RBPMS: variants seen among roughly 807,000 people sequenced by gnomAD.
RBPMS encodes the protein RNA binding protein, mRNA processing factor, also known as RNA-binding protein with multiple splicing.
RBPMS carries 7 observed loss-of-function variants against 26.8 expected under a neutral mutation model. The ratio of observed to expected loss-of-function variants is 0.26; its 90% CI spans 0.15 to 0.49. RBPMS has a LOEUF of 0.49. Among genes scored for constraint, RBPMS ranks in the 20% least tolerant of loss-of-function variants. The probability of loss-of-function intolerance (pLI) is 0.98; values close to 1 mark genes in which losing one functional copy is unlikely to be tolerated. For synonymous variants in RBPMS, 96 were observed against 93.3 expected (o/e 1.03, Z -0.17); for missense variants, 186 against 250.0 (o/e 0.74, Z 1.73).
chr8:30,387,677 A>G (rs753241836), intron 1 of RBPMS, among the ~76,000 whole-genome samples: 1 of 152,210 alleles, frequency 6.6e-6, no homozygotes, highest in Admixed American at 6.5e-5. Context: ...AATGAGTCCA[A>G]TCATCATTAA....
chr8:30,559,526 A>T (rs1227561180), intron 7 of RBPMS, among the ~76,000 whole-genome samples: 2 of 152,200 alleles, frequency 1.3e-5, no homozygotes, highest in East Asian at 3.8e-4. Context: ...TTTAGGCCTA[A>T]CGTTGCTTCA....
intron 1 of RBPMS, among the ~76,000 whole-genome samples, chr8:30,422,477 C>T (rs1240470844): frequency 1.3e-5 from 2 of 152,016 alleles, no homozygotes; most frequent in Non-Finnish European, 2.9e-5. Context: ...CTATGTTACC[C>T]AGGCTCGTCT....
chr8:30,547,402 G>A, intron 6 of RBPMS: 1 of 1,602,134 alleles, frequency 6.2e-7, no homozygotes, highest in Non-Finnish European at 8.5e-7. Flanking sequence ...CTGCAGACCA[G>A]CAGAGGGAGC....
intron 8 of RBPMS, among the ~76,000 whole-genome samples, chr8:30,567,023 T>A (rs1322895769): frequency 6.6e-6 from 1 of 152,206 alleles, no homozygotes; most frequent in Non-Finnish European, 1.5e-5. Flanking sequence ...AAAATCCTCC[T>A]GTAGCATTCC....
chr8:30,424,701 C>T (rs1468868191), intron 1 of RBPMS, among the ~76,000 whole-genome samples: 1 of 152,100 alleles, frequency 6.6e-6, no homozygotes, highest in South Asian at 2.1e-4. Flanking sequence ...TAAAATGTTA[C>T]ACAGTGTCTG....
chr8:30,421,992 TAGAGATAAGA>T (rs1231548918), intron 1 of RBPMS, among the ~76,000 whole-genome samples: 5 of 151,806 alleles, frequency 3.3e-5, no homozygotes, highest in African/African-American at 1.2e-4. Flanking sequence ...GTTGCTATGA[TAGAGATAAGA>T]ATAAAGTAAT....
intron 1 of RBPMS, among the ~76,000 whole-genome samples, chr8:30,451,882 G>A (rs1299376509): frequency 1.3e-5 from 2 of 152,126 alleles, no homozygotes; most frequent in African/African-American, 2.4e-5. Context: ...TCATTAGCCC[G>A]AAACCATCAT....
intron 6 of RBPMS, among the ~76,000 whole-genome samples, chr8:30,550,580 A>C (rs1170739696): frequency 1.3e-5 from 2 of 152,212 alleles, no homozygotes; most frequent in Non-Finnish European, 2.9e-5. Context: ...GGGCTGCTAG[A>C]GACCTCACGG....
At chr8:30,461,049 A>AG (rs1165411135) in intron 1 of RBPMS, among the ~76,000 whole-genome samples, 1 of 149,786 alleles carries the variant, frequency 6.7e-6, no homozygotes. Flanking sequence ...CCCATCTGAA[A>AG]AAAAAAAAAA....
chr8:30,516,903 T>TACACACACACACACACACAC (rs139256402), intron 5 of RBPMS, among the ~76,000 whole-genome samples: 14,005 of 146,470 alleles, frequency 0.096, 743 homozygotes, highest in Admixed American at 0.14. Context: ...CATCTCTAAA[T>TACACACACACACACACACAC]ACACACACAC....
At chr8:30,447,657 G>T (rs1814031873) in intron 1 of RBPMS, among the ~76,000 whole-genome samples, 2 of 152,036 alleles carry the variant, frequency 1.3e-5, no homozygotes, top group South Asian at 4.1e-4. Context: ...ACGATAAAAA[G>T]AAAAATGAAT....
intron 4 of RBPMS, among the ~76,000 whole-genome samples, chr8:30,501,867 TGTC>T (rs968876311): frequency 6.6e-6 from 1 of 152,208 alleles, no homozygotes; most frequent in Non-Finnish European, 1.5e-5. Flanking sequence ...TTTTTTCTCT[TGTC>T]TTCTTCCTAT....
In RBPMS at chr8:30,545,054, G is replaced by A. The variant is rs550953911; in HGVS notation, c.528+430G>A. 18 of 1,397,768 alleles carry A rather than the reference G, an allele frequency of 1.3e-5. No homozygotes were observed. The Middle Eastern group carries it at 5.7e-4, about 44-fold the overall frequency. 86.6% of individuals were successfully genotyped at this position (1,397,768 alleles called of 1,614,324 possible). A position where few individuals can be genotyped will look rare whatever the true frequency, so the allele number is the denominator to read the frequency against. On this transcript the variant is annotated intron_variant, in intron 6 of 8. Coordinates refer to ENST00000397323, the MANE Select transcript of RBPMS (RefSeq NM_001008710.3). Reference sequence around the variant, plus strand: ...TGTGTGTTGAGAGTTTTCCACTCTCGTGTACGGTGAGAAGAATCTCTGACC... The same window carrying A: ...TGTGTGTTGAGAGTTTTCCACTCTCATGTACGGTGAGAAGAATCTCTGACC...
rs892361395 is a variant in RBPMS, at chr8:30,455,934, C to T, written c.67-18845C>T. Among the ~76,000 whole-genome samples the T allele has an allele frequency of 7.2e-5, 11 of 152,014 alleles. No homozygotes were observed. The East Asian group carries it at 1.7e-3, about 24-fold the overall frequency. On this transcript the variant is annotated intron_variant, in intron 1 of 8. Transcript: ENST00000397323. Reference sequence around the variant, plus strand: ...ATAAATAAAAGACAATGCTTTTATTCGGGAATAAGCAATGTGTGGTATTAA... The same window carrying T: ...ATAAATAAAAGACAATGCTTTTATTTGGGAATAAGCAATGTGTGGTATTAA...
At chr8:30,426,641 A>T (rs952215605) in intron 1 of RBPMS, among the ~76,000 whole-genome samples, 2 of 151,642 alleles carry the variant, frequency 1.3e-5, no homozygotes, top group Non-Finnish European at 2.9e-5. Context: ...GGAGCGAGGA[A>T]GGGAGAGTTT....
Position 30,566,340 on chromosome 8 carries a change from C to G in RBPMS, c.*91C>G. The G allele has an allele frequency of 2.1e-6, 2 of 969,112 alleles. No individual in the cohort carries two copies. The highest frequency in any genetic ancestry group is 2.4e-6 in the Non-Finnish European group (2 of 819,626). 60.0% of individuals were successfully genotyped at this position (969,112 alleles called of 1,614,324 possible). A position where few individuals can be genotyped will look rare whatever the true frequency, so the allele number is the denominator to read the frequency against. On this transcript the variant is annotated 3_prime_UTR_variant, in exon 8 of 9. Transcript: ENST00000397323. Reference sequence around the variant, plus strand: ...TGGTGGCTACTGTTCTCTAGCTGTTCTACAAAACTGGAGCATGCTGGTGAG... The same window carrying G: ...TGGTGGCTACTGTTCTCTAGCTGTTGTACAAAACTGGAGCATGCTGGTGAG...
At chr8:30,560,441 C>A (rs1033788934) in intron 7 of RBPMS, among the ~76,000 whole-genome samples, 1 of 152,146 alleles carries the variant, frequency 6.6e-6, no homozygotes, top group African/African-American at 2.4e-5. Context: ...CCAGCAGCCA[C>A]CTGGCCATTC....
At chr8:30,470,053 T>A (rs1402266897) in intron 1 of RBPMS, among the ~76,000 whole-genome samples, 1 of 152,036 alleles carries the variant, frequency 6.6e-6, no homozygotes, top group East Asian at 1.9e-4. Context: ...AGTATGATGG[T>A]AATAAGAGTA....
intron 1 of RBPMS, among the ~76,000 whole-genome samples, chr8:30,423,998 C>T (rs1328619680): frequency 9.2e-5 from 14 of 152,098 alleles, no homozygotes; most frequent in South Asian, 6.2e-4. Flanking sequence ...CCACCATGCC[C>T]GGCTCATTTT....
Sources: gnomAD v4.1 joint callset for allele counts (sites outside exome capture counted in the v4.1 genomes callset) on GRCh38, gnomAD v4.1.1 for gene constraint, MANE v1.5 for transcripts, NCBI Gene and HGNC (gene_info 2026-07-23, HGNC 2026-07-21) for gene names.